The following MAJIN variants were observed in gnomAD, a reference collection of about 807,000 sequenced individuals.
The protein encoded by MAJIN is membrane anchored junction protein, also known as membrane-anchored junction protein.
Under a neutral mutation model 30.2 loss-of-function variants are expected in MAJIN, and 27 were observed. The observed-to-expected ratio is 0.89, with a 90% CI of 0.66 to 1.23. The LOEUF (loss-of-function observed/expected upper bound fraction) is 1.23. Ranked by LOEUF, MAJIN falls within the 50% of genes most tolerant of loss-of-function variation. The pLI, the probability that MAJIN is intolerant of heterozygous loss-of-function variation, is 0.00. For synonymous variants in MAJIN, 78 were observed against 91.6 expected (o/e 0.85, Z 0.85); for missense variants, 253 against 260.3 (o/e 0.97, Z 0.19).
At chr11:64,968,599 C>T (rs1364519903) in intron 1 of MAJIN, among the ~76,000 whole-genome samples, 1 of 151,676 alleles carries the variant, frequency 6.6e-6, no homozygotes, top group African/African-American at 2.4e-5. Context: ...CTTTGGGAGG[C>T]TGAGGCGGGC....
intron 1 of MAJIN, among the ~76,000 whole-genome samples, chr11:64,964,112 G>T (rs1455960269): frequency 5.3e-5 from 8 of 151,902 alleles, no homozygotes; most frequent in Non-Finnish European, 1.0e-4. Context: ...CCTAAATTTT[G>T]TATTTTTTTT....
chr11:64,957,837 C>T (rs1377644976), intron 3 of MAJIN, among the ~76,000 whole-genome samples: 1 of 152,174 alleles, frequency 6.6e-6, no homozygotes, highest in Non-Finnish European at 1.5e-5. Flanking sequence ...GCTGGGATTA[C>T]AGGCATGAGC....
intron 8 of MAJIN, among the ~76,000 whole-genome samples, chr11:64,942,400 C>G (rs1945392809): frequency 1.3e-5 from 2 of 151,948 alleles, no homozygotes; most frequent in Admixed American, 6.6e-5. Context: ...GTACACTATA[C>G]CCAATGTATA....
chr11:64,949,161 TAAA>T (rs562375029), intron 6 of MAJIN, among the ~76,000 whole-genome samples: 2 of 111,772 alleles, frequency 1.8e-5, no homozygotes, highest in Admixed American at 9.3e-5. Context: ...CTGTCTCTAC[TAAA>T]AAAAAAAAAA....
intron 1 of MAJIN, among the ~76,000 whole-genome samples, chr11:64,963,919 A>T (rs945851609): frequency 9.9e-5 from 15 of 152,052 alleles, no homozygotes; most frequent in African/African-American, 3.6e-4. Flanking sequence ...TTTAGAAATG[A>T]GATTGAGGAC....
chr11:64,963,647 G>C (rs1945761666), intron 1 of MAJIN, among the ~76,000 whole-genome samples: 1 of 152,142 alleles, frequency 6.6e-6, no homozygotes, highest in Admixed American at 6.6e-5. Context: ...AGACCAGGCT[G>C]GCCAACATGG....
At chr11:64,947,300 G>A in intron 8 of MAJIN, 74 bp downstream of exon 8, 1 of 1,329,612 alleles carries the variant, frequency 7.5e-7, no homozygotes. Context: ...CCCAAGGACA[G>A]GATCAACCAA....
At chr11:64,942,208 T>C (rs1231653083) in intron 8 of MAJIN, among the ~76,000 whole-genome samples, 1 of 152,230 alleles carries the variant, frequency 6.6e-6, no homozygotes, top group Non-Finnish European at 1.5e-5. Context: ...TCAAGCTGTT[T>C]TGCTGGTGAA....
chr11:64,950,329 CAAAAAAA>C lies in MAJIN; in HGVS notation c.223+19_223+25del. 3.3e-6 allele frequency: 4 copies of C among 1,217,298 alleles called. No homozygotes were observed. The highest frequency in any genetic ancestry group is 2.3e-4 in the Middle Eastern group (1 of 4,268). The allele number at this position is 1,217,298 out of a possible 1,614,324, so 75.4% of individuals were successfully genotyped here. A position where few individuals can be genotyped will look rare whatever the true frequency, so the allele number is the denominator to read the frequency against. On this transcript the variant is annotated intron_variant, in intron 5 of 10. Coordinates refer to ENST00000301896, the MANE Select transcript of MAJIN (RefSeq NM_001037225.3). The stretch of plus-strand genomic sequence containing the variant: ...TGGGTGACAGAGCAAGACTCCATCT[CAAAAAAA>C]AAAAAAAAAAAAGGATACAGGGAAA...
At chr11:64,957,468 C>T (rs753279339) in intron 3 of MAJIN, among the ~76,000 whole-genome samples, 4 of 152,110 alleles carry the variant, frequency 2.6e-5, no homozygotes, top group African/African-American at 4.8e-5. Flanking sequence ...TGCAGCGGCG[C>T]GATCTGCTCA....
intron 1 of MAJIN, among the ~76,000 whole-genome samples, chr11:64,967,664 A>G (rs1312488123): frequency 2.0e-5 from 3 of 152,162 alleles, no homozygotes; most frequent in African/African-American, 7.2e-5. Flanking sequence ...ACCCGAACAC[A>G]GTGGGCAAGA....
chr11:64,948,714 G>C (rs7949212), intron 6 of MAJIN, among the ~76,000 whole-genome samples: 1 of 122,252 alleles, frequency 8.2e-6, no homozygotes, highest in Non-Finnish European at 1.6e-5. Context: ...TGGAGTGCAG[G>C]GGCGTGATCT....
intron 4 of MAJIN, 117 bp from the exon 5 acceptor site, chr11:64,950,547 C>A (rs1478257444): frequency 2.4e-6 from 2 of 817,404 alleles, no homozygotes; most frequent in East Asian, 2.8e-5. Context: ...ATTTGCTGTT[C>A]CTTTAACACG....
chr11:64,967,240 T>C (rs1945826286), intron 1 of MAJIN, among the ~76,000 whole-genome samples: 1 of 151,816 alleles, frequency 6.6e-6, no homozygotes, highest in African/African-American at 2.4e-5. Flanking sequence ...AAAGCCCGCC[T>C]CTACTAGAAT....
chr11:64,938,669 C>T (rs1259209723), intron 10 of MAJIN, 96 bp from the exon 11 acceptor site: 1 of 1,343,788 alleles, frequency 7.4e-7, no homozygotes, highest in African/African-American at 1.5e-5. Context: ...GGCATTTTTG[C>T]TCTGGGGAAC....
At chr11:64,959,198 C>T (rs183712979) in intron 3 of MAJIN, 107 bp downstream of exon 3, 2 of 722,226 alleles carry the variant, frequency 2.8e-6, no homozygotes, top group African/African-American at 3.6e-5. Flanking sequence ...CAAGATGCTA[C>T]TTTACCAGTC....
intron 2 of MAJIN, 69 bp from the exon 3 acceptor site, chr11:64,959,491 G>A: frequency 8.1e-7 from 1 of 1,228,932 alleles, no homozygotes; most frequent in Non-Finnish European, 1.2e-6. Context: ...AAGGGAACCT[G>A]CCCAATCTGT....
chr11:64,960,787 GA>G (rs1386599280), intron 1 of MAJIN, among the ~76,000 whole-genome samples: 2 of 152,176 alleles, frequency 1.3e-5, no homozygotes, highest in Non-Finnish European at 2.9e-5. Flanking sequence ...CTACGTGCCC[GA>G]AGAATGGAAT....
Position 64,938,519 on chromosome 11 carries a change from G to C in MAJIN, c.*56C>G. ...GATCCTCTTTCCAGCGCTGCATTTGGAAGGCTCAAGAGTGGCTGCTCTTCC... is the reference window on the plus strand; with the variant it reads ...GATCCTCTTTCCAGCGCTGCATTTGCAAGGCTCAAGAGTGGCTGCTCTTCC... On this transcript the variant is annotated 3_prime_UTR_variant, in exon 11 of 11. Transcript: ENST00000301896. 6.5e-7 allele frequency: 1 copy of C among 1,535,416 alleles called. No homozygotes were observed. Among genetic ancestry groups the C allele is most frequent in the Non-Finnish European group, 8.7e-7 (1 of 1,146,348 alleles).
Sources: allele counts gnomAD v4.1 joint callset (sites outside exome capture counted in the v4.1 genomes callset), GRCh38; gene constraint gnomAD v4.1.1; transcripts MANE v1.5; gene names NCBI Gene and HGNC (gene_info 2026-07-23, HGNC 2026-07-21).